The following SGCZ variants were observed in gnomAD, a reference collection of about 807,000 sequenced individuals.
SGCZ encodes the protein zeta-sarcoglycan.
Under a neutral mutation model 41.3 loss-of-function variants are expected in SGCZ, and 40 were observed. The ratio of observed to expected loss-of-function variants is 0.97; its 90% CI spans 0.75 to 1.26. The LOEUF is 1.26. Ranked by LOEUF, SGCZ falls within the 50% of genes most tolerant of loss-of-function variation. The pLI, the probability that SGCZ is intolerant of heterozygous loss-of-function variation, is 0.00. For synonymous variants in SGCZ, 206 were observed against 137.5 expected (o/e 1.50, Z -3.49); for missense variants, 552 against 369.8 (o/e 1.49, Z -4.04).
chr8:14,244,961 T>G (rs192146120), intron 3 of SGCZ, among the ~76,000 whole-genome samples: 14 of 152,284 alleles, frequency 9.2e-5, no homozygotes, highest in African/African-American at 3.4e-4. Flanking sequence ...GAGACTTTGC[T>G]GAAGTTGCTT....
chr8:14,956,787 G>A (rs1258077616), intron 1 of SGCZ, among the ~76,000 whole-genome samples: 1 of 151,918 alleles, frequency 6.6e-6, no homozygotes, highest in African/African-American at 2.4e-5. Flanking sequence ...AGAATGCCCA[G>A]GTTATTTTTA....
intron 1 of SGCZ, among the ~76,000 whole-genome samples, chr8:14,725,896 T>C (rs867512149): frequency 6.6e-6 from 1 of 152,188 alleles, no homozygotes; most frequent in Admixed American, 6.5e-5. Context: ...TATGTTACAA[T>C]ACCTTAAACT....
At chr8:14,143,410 T>G (rs181869579) in intron 5 of SGCZ, among the ~76,000 whole-genome samples, 1 of 152,216 alleles carries the variant, frequency 6.6e-6, no homozygotes, top group Non-Finnish European at 1.5e-5. Flanking sequence ...ATTGTCTACA[T>G]AGAAAATCCC....
At position 14,952,786 on chromosome 8, in the gene SGCZ, G is replaced by C. The variant is rs571493347; in HGVS notation, c.39+284799C>G. Among the ~76,000 whole-genome samples, 3 of 152,248 alleles carry C rather than the reference G, an allele frequency of 2.0e-5. 1 individual carries two copies. Among genetic ancestry groups the C allele is most frequent in the African/African-American group, 4.8e-5 (2 of 41,542 alleles). ...ATTTATTGTTACCCGAGGTATTAAA[G>C]ACAGAGCTTTTAGTAGACTGAAATC... On this transcript the variant is annotated intron_variant, in intron 1 of 7. Coordinates refer to ENST00000382080, the MANE Select transcript of SGCZ (RefSeq NM_139167.4).
intron 2 of SGCZ, among the ~76,000 whole-genome samples, chr8:14,339,298 G>C (rs1802615874): frequency 6.6e-6 from 1 of 152,156 alleles, no homozygotes; most frequent in African/African-American, 2.4e-5. Flanking sequence ...CTAAAAGCCA[G>C]AGAAAGAACA....
chr8:14,397,296 G>A (rs866390455), intron 2 of SGCZ, among the ~76,000 whole-genome samples: 1 of 152,044 alleles, frequency 6.6e-6, no homozygotes, highest in Non-Finnish European at 1.5e-5. Context: ...TATTTCTGAT[G>A]TAAAAACAAG....
At chr8:14,099,920 C>G (rs1801959973) in intron 7 of SGCZ, among the ~76,000 whole-genome samples, 2 of 152,028 alleles carry the variant, frequency 1.3e-5, no homozygotes, top group African/African-American at 4.8e-5. Flanking sequence ...CAGAATTTCA[C>G]ATACAATTTC....
At chr8:14,658,223 A>C (rs1255353368) in intron 1 of SGCZ, among the ~76,000 whole-genome samples, 1 of 152,120 alleles carries the variant, frequency 6.6e-6, no homozygotes, top group Non-Finnish European at 1.5e-5. Context: ...TATACCTCAC[A>C]CACAATTCAC....
chr8:14,111,022 C>T (rs566810678), intron 5 of SGCZ, among the ~76,000 whole-genome samples: 15 of 151,976 alleles, frequency 9.9e-5, no homozygotes, highest in Non-Finnish European at 2.1e-4. Context: ...CCACTGCATT[C>T]TAGCCTGGGC....
chr8:14,747,041 C>T (rs1009433585), intron 1 of SGCZ, among the ~76,000 whole-genome samples: 2 of 152,124 alleles, frequency 1.3e-5, no homozygotes, highest in African/African-American at 4.8e-5. Flanking sequence ...ATTTAATGCT[C>T]ATTTTCACTT....
rs546974316 is a variant in SGCZ at position 14,449,952 on chromosome 8, G to A, written c.234+104780C>T. ...CTTAACAATATAGACAATATAATGT[G>A]AAGAATACAATGTAGCATATAATGG... On this transcript the variant is annotated intron_variant, in intron 2 of 7. Coordinates refer to ENST00000382080, the MANE Select transcript of SGCZ (RefSeq NM_139167.4). 2.0e-5 allele frequency among the ~76,000 whole-genome samples: 3 copies of A among 152,158 alleles called. No homozygotes were observed. In the East Asian group the frequency reaches 5.8e-4, roughly 29 times the overall value.
In SGCZ at chr8:14,145,619, C is replaced by T. The variant is rs535874334; in HGVS notation, c.547+18961G>A. On this transcript the variant is annotated intron_variant, in intron 5 of 7. Coordinates refer to ENST00000382080, the MANE Select transcript of SGCZ (RefSeq NM_139167.4). ...TAGCAAAAGGACCAATCTTGGAGAA[C>T]GGTCACACGTAACAGAGATACGTGA... is the stretch of plus-strand genomic sequence containing the variant. 1.3e-3 allele frequency among the ~76,000 whole-genome samples: 200 copies of T among 152,196 alleles called. 1 individual carries two copies. Among genetic ancestry groups the T allele is most frequent in the African/African-American group, 4.2e-3 (176 of 41,534 alleles).
At chr8:14,885,314 C>T (rs561159400) in intron 1 of SGCZ, among the ~76,000 whole-genome samples, 1 of 152,290 alleles carries the variant, frequency 6.6e-6, no homozygotes, top group African/African-American at 2.4e-5. Context: ...TTAATTAATA[C>T]AGATACGGTT....
chr8:14,873,546 A>C (rs1804242061), intron 1 of SGCZ, among the ~76,000 whole-genome samples: 1 of 152,102 alleles, frequency 6.6e-6, no homozygotes. Context: ...CTTGAGATCA[A>C]GAGTAGCCGT....
chr8:14,309,177 A>C lies in SGCZ; in HGVS notation c.336+14926T>G, dbSNP rs751567684. 240 of 1,480,030 alleles carry C rather than the reference A, an allele frequency of 1.6e-4. 1 individual carries two copies. Among genetic ancestry groups the C allele is most frequent in the Non-Finnish European group, 2.2e-5 (23 of 1,062,216 alleles). 91.7% of individuals were successfully genotyped at this position (1,480,030 alleles called of 1,614,324 possible). ...TGGTTTTTTAAAAACGAAAAAAGCA[A>C]AACTTGGCAAGCAAACCTGCTGCGG... On this transcript the variant is annotated intron_variant, in intron 3 of 7. Coordinates refer to ENST00000382080, the MANE Select transcript of SGCZ (RefSeq NM_139167.4).
intron 2 of SGCZ, among the ~76,000 whole-genome samples, chr8:14,339,475 T>C (rs1802625055): frequency 1.3e-5 from 2 of 152,222 alleles, no homozygotes; most frequent in Admixed American, 6.5e-5. Flanking sequence ...TCACCATCCA[T>C]GCTCTTCCAA....
intron 2 of SGCZ, among the ~76,000 whole-genome samples, chr8:14,454,315 G>T (rs900683297): frequency 1.3e-5 from 2 of 152,126 alleles, no homozygotes; most frequent in African/African-American, 2.4e-5. Flanking sequence ...CTTCATTACT[G>T]TAAATGAAGC....
At chr8:15,055,899 G>A (rs1266361630) in intron 1 of SGCZ, among the ~76,000 whole-genome samples, 2 of 152,184 alleles carry the variant, frequency 1.3e-5, no homozygotes, top group East Asian at 1.9e-4. Context: ...CCTGTGACCT[G>A]CTCTTTTTCA....
chr8:15,112,068 C>T (rs1440363996), intron 1 of SGCZ, among the ~76,000 whole-genome samples: 1 of 152,190 alleles, frequency 6.6e-6, no homozygotes, highest in Non-Finnish European at 1.5e-5. Flanking sequence ...CTGTTGCTCT[C>T]TTTTTCTCTC....
Sources: gnomAD v4.1 joint callset for allele counts (sites outside exome capture counted in the v4.1 genomes callset) on GRCh38, gnomAD v4.1.1 for gene constraint, MANE v1.5 for transcripts, NCBI Gene and HGNC (gene_info 2026-07-23, HGNC 2026-07-21) for gene names.